Variants in PPP2R2C observed in about 807,000 individuals in gnomAD.
PPP2R2C encodes protein phosphatase 2 regulatory subunit Bgamma.
A neutral mutation model predicts 45.3 loss-of-function variants in PPP2R2C; 10 were observed. The observed-to-expected ratio is 0.22, with a 90% CI of 0.14 to 0.37. PPP2R2C has a LOEUF of 0.37. Ranked by LOEUF, PPP2R2C falls within the 10% of genes least tolerant of loss-of-function variation. PPP2R2C has a pLI of 1.00. For missense variants in PPP2R2C, 308 were observed against 619.7 expected (o/e 0.50, Z 5.34); for synonymous variants, 257 against 245.4 (o/e 1.05, Z -0.44).
chr4:6,511,616 T>C (rs1466112101), intron 2 of PPP2R2C, among the ~76,000 whole-genome samples: 3 of 57,024 alleles, frequency 5.3e-5, no homozygotes, highest in African/African-American at 1.5e-4. Flanking sequence ...GTGGTGGTGG[T>C]GATGGTGGTG....
chr4:6,329,502 T>TGAAACAGCCC lies in PPP2R2C; in HGVS notation c.961-150_961-149insGGGCTGTTTC. 1.4e-6 allele frequency: 1 copy of TGAAACAGCCC among 703,634 alleles called. No homozygotes were observed. Among genetic ancestry groups the TGAAACAGCCC allele is most frequent in the African/African-American group, 1.8e-5 (1 of 57,042 alleles). 43.6% of individuals were successfully genotyped at this position (703,634 alleles called of 1,614,324 possible). The stretch of plus-strand genomic sequence containing the variant: ...CATCTCAGCGAGGGTCTGAATGCTC[T>TGAAACAGCCC]GACACAGCCCGACACAGCCCTGCTC... On this transcript the variant is annotated intron_variant, in intron 7 of 8. Coordinates refer to ENST00000382599, the MANE Select transcript of PPP2R2C (RefSeq NM_020416.4). The surrounding 1 kb of genome is among the most constrained non-coding windows in gnomAD (Gnocchi z 5.8).
chr4:6,369,367 G>GA (rs1166912547), intron 5 of PPP2R2C, among the ~76,000 whole-genome samples: 11 of 152,208 alleles, frequency 7.2e-5, no homozygotes, highest in African/African-American at 2.7e-4. Context: ...GTGCACAGCC[G>GA]TTATGGTTGA....
At chr4:6,367,011 G>A (rs1714377205) in intron 5 of PPP2R2C, among the ~76,000 whole-genome samples, 1 of 151,996 alleles carries the variant, frequency 6.6e-6, no homozygotes, top group Admixed American at 6.5e-5. Flanking sequence ...TGTCTGGGGA[G>A]AGTAGAGAGG....
intron 1 of PPP2R2C, among the ~76,000 whole-genome samples, chr4:6,424,617 T>G (rs1719182744): frequency 1.3e-5 from 2 of 152,284 alleles, no homozygotes; most frequent in South Asian, 4.2e-4. Context: ...GACCAGCCAA[T>G]GCCTCCTCCA....
chr4:6,514,380 G>A (rs1422155670), intron 2 of PPP2R2C, among the ~76,000 whole-genome samples: 1 of 152,194 alleles, frequency 6.6e-6, no homozygotes, highest in Non-Finnish European at 1.5e-5. Flanking sequence ...AACCCTCACA[G>A]GTCTCAAGGC....
At chr4:6,340,674 C>G (rs1733377498) in intron 6 of PPP2R2C, among the ~76,000 whole-genome samples, 1 of 152,242 alleles carries the variant, frequency 6.6e-6, no homozygotes, top group African/African-American at 2.4e-5. Context: ...TAGCCCCCAG[C>G]CAGCCCCCAC....
intron 2 of PPP2R2C, among the ~76,000 whole-genome samples, chr4:6,491,509 A>G (rs1232564464): frequency 1.3e-5 from 2 of 152,212 alleles, no homozygotes; most frequent in African/African-American, 2.4e-5. Flanking sequence ...TGGTTCAAAC[A>G]GGAGGGTGGC....
rs112717060 is a variant in PPP2R2C, at chr4:6,470,164, C to T, written c.70+1996G>A. Among the ~76,000 whole-genome samples the T allele has an allele frequency of 1.1e-3, 169 of 152,296 alleles. 1 individual carries two copies. Among genetic ancestry groups the T allele is most frequent in the African/African-American group, 3.6e-3 (148 of 41,564 alleles). On this transcript the variant is annotated intron_variant, in intron 1 of 8. Transcript: ENST00000382599. ...CATTTTACAGATGGGGAGACTGAGCCCTGGTGAGAAGACAGACCTCAAGGT... is the reference window on the plus strand; with the variant it reads ...CATTTTACAGATGGGGAGACTGAGCTCTGGTGAGAAGACAGACCTCAAGGT...
chr4:6,472,796 C>A (rs926706063), upstream of PPP2R2C, among the ~76,000 whole-genome samples: 1 of 151,926 alleles, frequency 6.6e-6, no homozygotes, highest in East Asian at 1.9e-4. Context: ...GGAAGGAGAC[C>A]GCCAGCTTGC....
intron 2 of PPP2R2C, among the ~76,000 whole-genome samples, chr4:6,512,444 C>G (rs868730978): frequency 3.0e-4 from 2 of 6,676 alleles, no homozygotes; most frequent in Non-Finnish European, 6.3e-4. Context: ...GTGATGGTGG[C>G]GGTGGTGGTG....
intron 8 of PPP2R2C, among the ~76,000 whole-genome samples, 190 bp from the exon 9 acceptor site, chr4:6,323,783 T>G (rs1385195981): frequency 6.6e-6 from 1 of 151,554 alleles, no homozygotes; most frequent in African/African-American, 2.4e-5. Context: ...AAAAAAAAAT[T>G]AAAAATGACC....
At chr4:6,377,756 G>A (rs1376467614) in intron 3 of PPP2R2C, among the ~76,000 whole-genome samples, 3 of 152,248 alleles carry the variant, frequency 2.0e-5, no homozygotes, top group South Asian at 2.1e-4. Flanking sequence ...GGCAGGGGGC[G>A]TGAGTGGGGG....
Position 6,381,625 on chromosome 4 carries a change from C to T in PPP2R2C, c.71-531G>A. Reference sequence around the variant, plus strand: ...CTCCTTCAGACTCCTGCTCTGTGGCCCCACCTCCAGGCAGGCCTCTGGGAT... The same window carrying T: ...CTCCTTCAGACTCCTGCTCTGTGGCTCCACCTCCAGGCAGGCCTCTGGGAT... On this transcript the variant is annotated intron_variant, in intron 1 of 8. Coordinates refer to ENST00000382599, the MANE Select transcript of PPP2R2C (RefSeq NM_020416.4). 4.7e-6 allele frequency: 7 copies of T among 1,490,894 alleles called. No individual in the cohort carries two copies. The South Asian group carries it at 8.3e-5, about 18-fold the overall frequency. 92.4% of individuals were successfully genotyped at this position (1,490,894 alleles called of 1,614,324 possible). A position where few individuals can be genotyped will look rare whatever the true frequency, so the allele number is the denominator to read the frequency against.
chr4:6,501,658 G>A (rs1723060518), intron 2 of PPP2R2C, among the ~76,000 whole-genome samples: 1 of 152,226 alleles, frequency 6.6e-6, no homozygotes, highest in Non-Finnish European at 1.5e-5. Context: ...GGGAAAGGAG[G>A]TCCTTGTCCC....
intron 1 of PPP2R2C, among the ~76,000 whole-genome samples, chr4:6,438,399 C>T (rs181688203): frequency 2.4e-4 from 36 of 152,270 alleles, no homozygotes; most frequent in Non-Finnish European, 3.1e-4. Context: ...AGACTCATTC[C>T]CTGCGCACCT....
chr4:6,525,402 C>A (rs1724166238), intron 2 of PPP2R2C, among the ~76,000 whole-genome samples: 1 of 140,486 alleles, frequency 7.1e-6, no homozygotes, highest in South Asian at 2.3e-4. Context: ...GCGACCCCAT[C>A]TCAAAATAAG....
At chr4:6,392,278 ACTG>A (rs1716699888) in intron 1 of PPP2R2C, among the ~76,000 whole-genome samples, 1 of 152,188 alleles carries the variant, frequency 6.6e-6, no homozygotes, top group Admixed American at 6.5e-5. Context: ...TCTCCTCAGC[ACTG>A]TTGCATACAC....
intron 1 of PPP2R2C, among the ~76,000 whole-genome samples, chr4:6,453,736 A>T (rs1320318984): frequency 6.6e-6 from 1 of 152,230 alleles, no homozygotes; most frequent in Non-Finnish European, 1.5e-5. Flanking sequence ...TTAGCCAAGC[A>T]GAAAATTCAG....
intron 2 of PPP2R2C, among the ~76,000 whole-genome samples, chr4:6,529,320 C>T (rs1724318137): frequency 6.6e-6 from 1 of 152,220 alleles, no homozygotes; most frequent in Admixed American, 6.5e-5. Context: ...TCAGACTGGC[C>T]TCTCCCCTGC....
Sources: gnomAD v4.1 joint callset for allele counts (sites outside exome capture counted in the v4.1 genomes callset) on GRCh38, gnomAD v4.1.1 for gene constraint, Gnocchi (gnomAD v3.1) non-coding constraint, MANE v1.5 for transcripts, NCBI Gene and HGNC (gene_info 2026-07-23, HGNC 2026-07-21) for gene names.